PLEC: variants seen among roughly 807,000 people sequenced by gnomAD.
The protein encoded by PLEC is plectin.
In PLEC, 216 loss-of-function variants were observed where a neutral mutation model predicts 392.8. The observed-to-expected ratio is 0.55, with a 90% confidence interval of 0.49 to 0.62. PLEC has a LOEUF of 0.62. Among genes scored for constraint, PLEC ranks in the 20% least tolerant of loss-of-function variants. The pLI, the probability that PLEC is intolerant of heterozygous loss-of-function variation, is 0.00. For missense variants in PLEC, 6,863 were observed against 6,563.4 expected (o/e 1.05, Z -1.58); for synonymous variants, 3,621 against 2,980.6 (o/e 1.21, Z -7.00).
rs369601641 is a variant in PLEC at position 143,917,623 on chromosome 8, G to C, written c.12198C>G (p.Ala4066=). The change falls in exon 32 of 32, where the codon GCC becomes GCG. Residue 4066 remains alanine (A), a synonymous_variant. Transcript: ENST00000345136. ...CCTCATCGAAGAGGCCGCGCTTGTA[G>C]GCCACCTCCACGGGCAGCCGGTGGC... The part of the protein sequence containing the change: ...EESHRLPVEV[A]YKRGLFDEEM... The C allele has an allele frequency of 1.2e-6, 2 of 1,613,754 alleles. No individual in the cohort carries two copies. The highest frequency in any genetic ancestry group is 1.7e-6 in the Non-Finnish European group (2 of 1,180,024).
Position 143,917,231 on chromosome 8 carries a change from C to T in PLEC, c.12590G>A (p.Arg4197His), listed in dbSNP as rs782376596. 9 of 1,612,712 alleles carry T rather than the reference C, an allele frequency of 5.6e-6. No individual in the cohort carries two copies. The highest frequency in any genetic ancestry group is 7.6e-6 in the Non-Finnish European group (9 of 1,179,836). The change falls in exon 32 of 32, where the codon CGC becomes CAC. Residue 4197 changes from arginine (R) to histidine (H), a missense_variant. Transcript: ENST00000345136. Reference sequence around the variant, plus strand: ...GATGTCGTACTGGCGCCCGGAGCGGCGGTCGATGATCATGGACTTGACCAC... The same window carrying T: ...GATGTCGTACTGGCGCCCGGAGCGGTGGTCGATGATCATGGACTTGACCAC... ...DGVVKSMIID[R>H]RSGRQYDIDD... is the part of the protein sequence containing the mutation.
upstream of PLEC, among the ~76,000 whole-genome samples, chr8:143,975,622 G>C (rs1199921049): frequency 1.3e-5 from 2 of 149,906 alleles, no homozygotes; most frequent in Admixed American, 6.6e-5. This position sits in a 1 kb window ranked among gnomAD's most constrained non-coding sequence, Gnocchi z 9.9. Context: ...GCACTCCTCA[G>C]ATACCTACAC....
In PLEC at chr8:143,926,870, G is replaced by A. The variant is rs372256096; in HGVS notation, c.3958C>T (p.Arg1320Cys). The A allele has an allele frequency of 1.8e-4, 298 of 1,612,752 alleles. 2 individuals carry two copies. In the East Asian group the frequency reaches 2.2e-3, roughly 12 times the overall value. Residue 1320 changes from arginine (R) to cysteine (C), a missense_variant, in exon 30 of 32, where the codon CGT becomes TGT. Physicochemically the swap from Arg to Cys is radical, Grantham distance 180. Coordinates refer to ENST00000345136, the MANE Select transcript of PLEC (RefSeq NM_201384.3). ...ESVIQEYVDL[R>C]THYSELTTLT... ...GTGGTCAGCTCGCTGTAGTGCGTACGCAGGTCCACGTACTGTGGAGTAGAG... is the reference window on the plus strand; with the variant it reads ...GTGGTCAGCTCGCTGTAGTGCGTACACAGGTCCACGTACTGTGGAGTAGAG...
At chr8:143,950,390 A>G in exon 1 of PLEC, 1 of 1,602,366 alleles carries the variant, frequency 6.2e-7, no homozygotes, top group Non-Finnish European at 8.5e-7. Flanking sequence ...GGGCATCACC[A>G]TGGCGACGGG....
In PLEC at chr8:143,935,703, G is replaced by C. The variant is rs1554722587; in HGVS notation, c.602+145C>G. 3 of 856,700 alleles carry C rather than the reference G, an allele frequency of 3.5e-6. No individual in the cohort carries two copies. The Admixed American group carries it at 6.1e-5, about 17-fold the overall frequency. 53.1% of individuals were successfully genotyped at this position (856,700 alleles called of 1,614,324 possible). On this transcript the variant is annotated intron_variant, in intron 6 of 31. Transcript: ENST00000345136. ...GGACACCAGGGTGGGGCTGGGCCCT[G>C]AACTCCACCACCCCGAGGCGGCCAG... is the stretch of plus-strand genomic sequence containing the variant.
chr8:143,920,371 G>A lies in PLEC; in HGVS notation c.9450C>T (p.His3150=). The part of the protein sequence containing the change: ...TGGIVDPSKS[H]RVPLDVACAR... ...CGCAGGCGACATCCAGGGGCACGCG[G>A]TGGCTCTTGCTGGGGTCCACGATGC... is the stretch of plus-strand genomic sequence containing the variant. Residue 3150 remains histidine, a synonymous_variant, in exon 32 of 32, where the codon CAC becomes CAT. Transcript: ENST00000345136. 1.3e-6 allele frequency: 2 copies of A among 1,594,090 alleles called. No homozygotes were observed. Among genetic ancestry groups the A allele is most frequent in the South Asian group, 1.1e-5 (1 of 90,222 alleles).
At chr8:143,940,087 G>GC (rs1275220495), upstream of PLEC, among the ~76,000 whole-genome samples, 2 of 152,346 alleles carry the variant, frequency 1.3e-5, no homozygotes, top group East Asian at 3.9e-4. Context: ...AGCTCTTGCA[G>GC]CCCCCCAATC....
intron 1 of PLEC, among the ~76,000 whole-genome samples, chr8:143,947,117 G>A (rs1290667369): frequency 5.3e-5 from 8 of 152,224 alleles, no homozygotes; most frequent in Admixed American, 4.6e-4. Flanking sequence ...AAGCTGGCCG[G>A]GCCATAGTCC....
rs191863619 is a variant in PLEC, at chr8:143,924,256, G to A, written c.5673C>T (p.Ile1891=). The A allele has an allele frequency of 3.2e-4, 507 of 1,597,504 alleles. 3 individuals are homozygous for A. In the East Asian group the frequency reaches 9.2e-3, roughly 29 times the overall value. Residue 1891 remains isoleucine, a synonymous_variant, in exon 31 of 32, where the codon ATC becomes ATT. Transcript: ENST00000345136. ...EEQAAQHKAD[I]EERLAQLRKA... is the part of the protein sequence containing the mutation. Reference sequence around the variant, plus strand: ...TGCGCAGCTGGGCCAGGCGCTCCTCGATGTCAGCCTTGTGTTGCGCGGCCT... The same window carrying A: ...TGCGCAGCTGGGCCAGGCGCTCCTCAATGTCAGCCTTGTGTTGCGCGGCCT...
chr8:143,944,623 A>G, intron 1 of PLEC: 1 of 1,315,110 alleles, frequency 7.6e-7, no homozygotes. Context: ...GGATTTCACA[A>G]GGCTTTCAAG....
At chr8:143,950,719 C>G in exon 1 of PLEC, 1 of 1,553,628 alleles carries the variant, frequency 6.4e-7, no homozygotes, top group Non-Finnish European at 8.7e-7. Context: ...CTGCTGGAGC[C>G]GGGCAGTCAG....
rs531732620 is a variant in PLEC, at chr8:143,928,070, G to A, written c.3261-78C>T. The A allele has an allele frequency of 3.3e-5, 49 of 1,497,220 alleles. No individual in the cohort carries two copies. In the African/African-American group the frequency reaches 3.9e-4, roughly 12 times the overall value. 92.7% of individuals were successfully genotyped at this position (1,497,220 alleles called of 1,614,324 possible). ...AAGGGAATGGAACCCAAGCCACAGC[G>A]ACCCAGGGTGCTGCCTGCCAAGCCC... On this transcript the variant is annotated intron_variant, in intron 25 of 31. Transcript: ENST00000345136.
In PLEC at chr8:143,927,910, C is replaced by A. The variant is rs1825822206; in HGVS notation, c.3343G>T (p.Ala1115Ser). 2 of 1,598,452 alleles carry A rather than the reference C, an allele frequency of 1.3e-6. No individual in the cohort carries two copies. Among genetic ancestry groups the A allele is most frequent in the Non-Finnish European group, 1.7e-6 (2 of 1,173,452 alleles). The change falls in exon 26 of 32, where the codon GCC becomes TCC. Residue 1115 changes from alanine (A) to serine (S), a missense_variant. Physicochemically the swap from Ala to Ser is moderately conservative, Grantham distance 99. Coordinates refer to ENST00000345136, the MANE Select transcript of PLEC (RefSeq NM_201384.3). ...LRAHEEQLKEAQAVPATLPEL... is the reference protein window; with the variant it reads ...LRAHEEQLKESQAVPATLPEL... ...GGGAGGGTGGCCGGCACGGCCTGGGCCTCCTTGAGCTGCTCCTCGTGGGCC... is the reference window on the plus strand; with the variant it reads ...GGGAGGGTGGCCGGCACGGCCTGGGACTCCTTGAGCTGCTCCTCGTGGGCC...
At chr8:143,970,190 G>A (rs946276224) in intron 1 of PLEC, among the ~76,000 whole-genome samples, 2 of 152,068 alleles carry the variant, frequency 1.3e-5, no homozygotes, top group Non-Finnish European at 2.9e-5. Context: ...GGCGTAGGGC[G>A]TCATCTGCAG....
intron 1 of PLEC, among the ~76,000 whole-genome samples, chr8:143,971,941 ATC>A (rs1210719450): frequency 6.6e-6 from 1 of 152,172 alleles, no homozygotes; most frequent in East Asian, 1.9e-4. Context: ...ACCTCCAGGG[ATC>A]TGTCTGGCTC....
At chr8:143,960,457 A>G (rs1368580305) in intron 1 of PLEC, among the ~76,000 whole-genome samples, 1 of 151,888 alleles carries the variant, frequency 6.6e-6, no homozygotes, top group African/African-American at 2.4e-5. Context: ...TCTCTACTAA[A>G]AATACAAAAA....
At position 143,925,182 on chromosome 8, in the gene PLEC, C is replaced by T. The variant is rs981516995; in HGVS notation, c.4747G>A (p.Ala1583Thr). The stretch of plus-strand genomic sequence containing the variant: ...TGTGCCGTCTTCTCGGCGAAGGAGG[C>T]GCGTTTGCTCTGCAGCTCCGCCTCT... ...SAEAELQSKR[A>T]SFAEKTAQLE... is the part of the protein sequence containing the mutation. The change falls in exon 31 of 32, where the codon GCC (alanine) becomes ACC (threonine). Residue 1583 changes from alanine (A) to threonine (T), a missense_variant. By Grantham distance (58) the Ala-to-Thr change is moderately conservative. Coordinates refer to ENST00000345136, the MANE Select transcript of PLEC (RefSeq NM_201384.3). 18 of 1,574,416 alleles carry T rather than the reference C, an allele frequency of 1.1e-5. No individual in the cohort carries two copies. The highest frequency in any genetic ancestry group is 9.2e-5 in the East Asian group (4 of 43,244).
chr8:143,933,945 G>T, intron 12 of PLEC, 53 bp downstream of exon 12: 1 of 1,497,734 alleles, frequency 6.7e-7, no homozygotes. Flanking sequence ...TGCAGGGCGG[G>T]GCAGGCTCCT....
At position 143,924,457 on chromosome 8, in the gene PLEC, C is replaced by T. The variant is rs782485851; in HGVS notation, c.5472G>A (p.Ala1824=). 48 of 1,552,016 alleles carry T rather than the reference C, an allele frequency of 3.1e-5. No homozygotes were observed. Among genetic ancestry groups the T allele is most frequent in the South Asian group, 1.6e-4 (14 of 85,628 alleles). The change falls in exon 31 of 32, where the codon GCG becomes GCA. Residue 1824 remains alanine (A), a synonymous_variant. Transcript: ENST00000345136. The part of the protein sequence containing the change: ...KRQRQLAEED[A]ARQRAEAERV... Reference sequence around the variant, plus strand: ...GCTCCGCCTCGGCCCGCTGCCGCGCCGCGTCTTCCTCGGCCAGCTGCCGCT... The same window carrying T: ...GCTCCGCCTCGGCCCGCTGCCGCGCTGCGTCTTCCTCGGCCAGCTGCCGCT...
Sources: gnomAD v4.1 joint callset for allele counts (sites outside exome capture counted in the v4.1 genomes callset) on GRCh38, gnomAD v4.1.1 for gene constraint, Gnocchi (gnomAD v3.1) non-coding constraint, MANE v1.5 for transcripts, NCBI Gene and HGNC (gene_info 2026-07-23, HGNC 2026-07-21) for gene names.